Variants in LRRC69 observed in about 807,000 individuals in gnomAD.
LRRC69 encodes leucine rich repeat containing 69.
LRRC69 carries 42 observed loss-of-function variants against 37.8 expected under a neutral mutation model. The ratio of observed to expected loss-of-function variants is 1.11; its 90% confidence interval spans 0.87 to 1.44. The LOEUF (loss-of-function observed/expected upper bound fraction) is 1.44. Among genes scored for constraint, LRRC69 ranks in the 40% most tolerant of loss-of-function variants. The pLI is 0.00. For missense variants in LRRC69, 357 were observed against 401.9 expected (o/e 0.89, Z 0.96); for synonymous variants, 141 against 143.1 (o/e 0.99, Z 0.11).
intron 5 of LRRC69, among the ~76,000 whole-genome samples, chr8:91,187,621 A>C (rs1387704846): frequency 1.3e-5 from 2 of 152,152 alleles, no homozygotes; most frequent in Non-Finnish European, 2.9e-5. Context: ...CCTTTACTGA[A>C]AACTGTGGGA....
intron 1 of LRRC69, among the ~76,000 whole-genome samples, chr8:91,117,719 A>G (rs750947526): frequency 2.6e-5 from 4 of 151,826 alleles, no homozygotes; most frequent in Non-Finnish European, 5.9e-5. Flanking sequence ...ATGCACCAAC[A>G]ATGTGCCTTG....
intron 7 of LRRC69, among the ~76,000 whole-genome samples, chr8:91,204,624 C>T (rs1809768685): frequency 6.6e-6 from 1 of 152,226 alleles, no homozygotes; most frequent in Non-Finnish European, 1.5e-5. Flanking sequence ...ATCTCCAGAG[C>T]CTGGATTAGG....
At chr8:91,206,546 C>A in intron 7 of LRRC69, 1 of 508,896 alleles carries the variant, frequency 2.0e-6, no homozygotes, top group Non-Finnish European at 3.1e-6. Context: ...TGTCAGATTA[C>A]TCGGAAACAG....
chr8:91,149,326 A>G (rs899028273), intron 5 of LRRC69, among the ~76,000 whole-genome samples: 4 of 152,034 alleles, frequency 2.6e-5, no homozygotes, highest in Non-Finnish European at 5.9e-5. Context: ...TCCCAGCACC[A>G]TTTATTAAAT....
At chr8:91,156,246 T>A (rs1356017268) in intron 5 of LRRC69, among the ~76,000 whole-genome samples, 1 of 151,098 alleles carries the variant, frequency 6.6e-6, no homozygotes, top group African/African-American at 2.4e-5. Context: ...AAATTCAAAC[T>A]TTTGGACAAG....
chr8:91,139,827 G>A (rs1025931516), intron 5 of LRRC69, among the ~76,000 whole-genome samples: 1 of 151,344 alleles, frequency 6.6e-6, no homozygotes, highest in Non-Finnish European at 1.5e-5. Context: ...GGTGGCTTAC[G>A]CCTGTAATCC....
At chr8:91,209,328 C>G (rs961288248) in intron 7 of LRRC69, among the ~76,000 whole-genome samples, 2 of 152,096 alleles carry the variant, frequency 1.3e-5, no homozygotes, top group Non-Finnish European at 2.9e-5. Flanking sequence ...ACTCGGGAGA[C>G]TGAGGAGGCA....
chr8:91,212,348 CAGA>C (rs1809944718), intron 7 of LRRC69, among the ~76,000 whole-genome samples: 1 of 152,006 alleles, frequency 6.6e-6, no homozygotes, highest in Admixed American at 6.6e-5. Context: ...AACATTTCCC[CAGA>C]TTCCTTTAAA....
intron 5 of LRRC69, among the ~76,000 whole-genome samples, chr8:91,140,277 C>T (rs977156739): frequency 6.6e-6 from 1 of 151,826 alleles, no homozygotes; most frequent in African/African-American, 2.4e-5. Flanking sequence ...ATACCTAATT[C>T]CTGTCTGAGA....
intron 5 of LRRC69, among the ~76,000 whole-genome samples, chr8:91,150,479 C>T (rs1360667837): frequency 6.6e-6 from 1 of 152,022 alleles, no homozygotes; most frequent in East Asian, 1.9e-4. Flanking sequence ...CTGCTGGATT[C>T]AGTTTGCCAG....
intron 5 of LRRC69, among the ~76,000 whole-genome samples, chr8:91,185,003 G>A (rs1291551670): frequency 6.6e-6 from 1 of 152,146 alleles, no homozygotes; most frequent in East Asian, 1.9e-4. Context: ...GGGGAGTGAA[G>A]TGGTATGATT....
At chr8:91,215,825 A>C (rs1810035622) in intron 7 of LRRC69, among the ~76,000 whole-genome samples, 1 of 152,290 alleles carries the variant, frequency 6.6e-6, no homozygotes, top group Admixed American at 6.5e-5. Flanking sequence ...GAGGTCCTCT[A>C]TAACAGGGAG....
intron 1 of LRRC69, among the ~76,000 whole-genome samples, chr8:91,108,337 A>G (rs1813355220): frequency 6.6e-6 from 1 of 152,048 alleles, no homozygotes; most frequent in Admixed American, 6.6e-5. Context: ...TCTGCAGTGG[A>G]GTAGGCACTC....
rs567393261 is a variant in LRRC69, at chr8:91,103,688, C to T, written c.183+844C>T. 2.6e-5 allele frequency among the ~76,000 whole-genome samples: 4 copies of T among 152,034 alleles called. No homozygotes were observed. The South Asian group carries it at 6.2e-4, about 24-fold the overall frequency. ...TTTCACCCTACCTCATTTCCTTTTA[C>T]GTTTAAGAAATTGAGTTTGTAATCT... On this transcript the variant is annotated intron_variant, in intron 1 of 7. Transcript: ENST00000448384.
chr8:91,111,003 G>A (rs1466606576), intron 1 of LRRC69, among the ~76,000 whole-genome samples: 1 of 152,068 alleles, frequency 6.6e-6, no homozygotes, highest in Admixed American at 6.6e-5. Flanking sequence ...TCTTTACAGA[G>A]ATGATCTAAG....
At chr8:91,185,406 C>T (rs1809392164) in intron 5 of LRRC69, among the ~76,000 whole-genome samples, 1 of 151,916 alleles carries the variant, frequency 6.6e-6, no homozygotes, top group South Asian at 2.1e-4. Context: ...GTTTAGTTAT[C>T]TATTTCTTTC....
chr8:91,169,215 G>A lies in LRRC69; in HGVS notation c.652-20307G>A, dbSNP rs1221283427. ...AGGAGCTAAACACTGAATACACATG[G>A]ACCAAAATAGGGAACAACAGACACA... On this transcript the variant is annotated intron_variant, in intron 5 of 7. Coordinates refer to ENST00000448384, the Ensembl canonical transcript of LRRC69. 2.6e-5 allele frequency among the ~76,000 whole-genome samples: 4 copies of A among 151,896 alleles called. No homozygotes were observed. The East Asian group carries it at 7.8e-4, about 30-fold the overall frequency.
At chr8:91,157,985 C>T in intron 5 of LRRC69, 6 of 1,360,922 alleles carry the variant, frequency 4.4e-6, no homozygotes, top group Non-Finnish European at 6.3e-6. Flanking sequence ...AGAAGAACAT[C>T]TGGGAATTCT....
In LRRC69 at chr8:91,133,203, A is replaced by C. The variant is rs765786148; in HGVS notation, c.477A>C (p.Gln159His). 1.9e-6 allele frequency: 3 copies of C among 1,544,040 alleles called. No individual in the cohort carries two copies. The Admixed American group carries it at 6.1e-5, about 31-fold the overall frequency. Reference sequence around the variant, plus strand: ...TTCTTGAGAATCTTGTTGAACTTCAACTTAACTACAATCAGCTGATATGCA... The same window carrying C: ...TTCTTGAGAATCTTGTTGAACTTCACCTTAACTACAATCAGCTGATATGCA... Residue 159 changes from glutamine (Q) to histidine (H), a missense_variant, in exon 4 of 8, where the codon CAA becomes CAC. Coordinates refer to ENST00000448384, the Ensembl canonical transcript of LRRC69.
Sources: allele counts gnomAD v4.1 joint callset (sites outside exome capture counted in the v4.1 genomes callset), GRCh38; gene constraint gnomAD v4.1.1; transcripts MANE v1.5; gene names NCBI Gene and HGNC (gene_info 2026-07-23, HGNC 2026-07-21).